KCNC4: variants seen among roughly 807,000 people sequenced by gnomAD.
The protein encoded by KCNC4 is potassium voltage-gated channel subfamily C member 4.
In KCNC4, 23 loss-of-function variants were observed where a neutral mutation model predicts 42.8. That is an observed-to-expected ratio of 0.54 (90% confidence interval 0.39 to 0.76). KCNC4 has a LOEUF of 0.76. Among genes scored for constraint, KCNC4 ranks in the 30% least tolerant of loss-of-function variants. KCNC4 has a pLI of 0.00. For synonymous variants in KCNC4, 422 were observed against 393.5 expected (o/e 1.07, Z -0.86); for missense variants, 751 against 898.2 (o/e 0.84, Z 2.10).
At chr1:110,269,275 A>T (rs2101084071) in intron 1 of KCNC4, among the ~76,000 whole-genome samples, 1 of 152,178 alleles carries the variant, frequency 6.6e-6, no homozygotes, top group East Asian at 1.9e-4. Context: ...CAATCAAGAT[A>T]CAGAACAATT....
chr1:110,213,170 T>TA (rs760587471), intron 1 of KCNC4, among the ~76,000 whole-genome samples: 1,233 of 50,822 alleles, frequency 0.024, 75 homozygotes, highest in South Asian at 0.038. Flanking sequence ...CTTCGACAGC[T>TA]AAAAAAAAAA....
At chr1:110,278,019 T>C (rs868048486) in intron 1 of KCNC4, among the ~76,000 whole-genome samples, 1 of 152,132 alleles carries the variant, frequency 6.6e-6, no homozygotes, top group Non-Finnish European at 1.5e-5. Flanking sequence ...TAGTGGCATA[T>C]GCCTATAGTC....
downstream of KCNC4, among the ~76,000 whole-genome samples, chr1:110,249,731 T>A (rs200169603): frequency 6.6e-6 from 1 of 152,014 alleles, no homozygotes; most frequent in South Asian, 2.1e-4. Flanking sequence ...AGCATTGCTT[T>A]AAAAAATTGT....
chr1:110,229,868 A>G (rs1292997536), intron 3 of KCNC4, among the ~76,000 whole-genome samples: 1 of 152,120 alleles, frequency 6.6e-6, no homozygotes, highest in Admixed American at 6.5e-5. Flanking sequence ...TAGACCTGAC[A>G]GCAGAGCCGT....
At chr1:110,275,144 A>T (rs143603994) in intron 1 of KCNC4, among the ~76,000 whole-genome samples, 8 of 152,308 alleles carry the variant, frequency 5.3e-5, no homozygotes, top group African/African-American at 1.9e-4. Context: ...TTTACAAGGA[A>T]CTCAAACAAC....
At chr1:110,212,419 C>A (rs1161949722) in intron 1 of KCNC4, among the ~76,000 whole-genome samples, 3 of 152,218 alleles carry the variant, frequency 2.0e-5, no homozygotes, top group Non-Finnish European at 2.9e-5. Flanking sequence ...CCAGTCCCAG[C>A]TGCCTGCTTT....
intron 1 of KCNC4, among the ~76,000 whole-genome samples, chr1:110,256,346 G>A (rs1659329339): frequency 1.3e-5 from 2 of 152,190 alleles, no homozygotes; most frequent in African/African-American, 2.4e-5. Context: ...AGAGGGATAT[G>A]AGCCCAAAGA....
At position 110,233,329 on chromosome 1, in the gene KCNC4, C is replaced by T. The variant is rs540160661; in HGVS notation, c.*357C>T. On this transcript the variant is annotated 3_prime_UTR_variant, in exon 4 of 4. Transcript: ENST00000438661. Reference sequence around the variant, plus strand: ...TCCCCTTCACTGATTTCTGTTGTTTCTGCTGACTGTGTGGGTGGAATGTCC... The same window carrying T: ...TCCCCTTCACTGATTTCTGTTGTTTTTGCTGACTGTGTGGGTGGAATGTCC... 1.7e-5 allele frequency: 6 copies of T among 354,480 alleles called. No individual in the cohort carries two copies. In the East Asian group the frequency reaches 3.0e-4, roughly 18 times the overall value. 22.0% of individuals were successfully genotyped at this position (354,480 alleles called of 1,614,324 possible).
chr1:110,216,467 T>G (rs535465974), intron 1 of KCNC4, among the ~76,000 whole-genome samples: 1 of 152,344 alleles, frequency 6.6e-6, no homozygotes, highest in East Asian at 1.9e-4. Context: ...CTTGGGTTTG[T>G]TTTCTTCTCT....
intron 1 of KCNC4, among the ~76,000 whole-genome samples, chr1:110,263,471 C>T (rs959910668): frequency 2.6e-5 from 4 of 151,856 alleles, no homozygotes; most frequent in Admixed American, 6.6e-5. Flanking sequence ...ATAGAATGAC[C>T]GATATTCACT....
chr1:110,269,971 AT>A (rs1162954924), intron 1 of KCNC4, among the ~76,000 whole-genome samples: 2 of 152,190 alleles, frequency 1.3e-5, no homozygotes, highest in Non-Finnish European at 2.9e-5. Context: ...AGGAAATGGG[AT>A]TTGTTTATTT....
Position 110,233,472 on chromosome 1 carries a change from C to CGAGAT in KCNC4, c.*500_*501insGAGAT. 1.7e-5 allele frequency: 3 copies of CGAGAT among 173,910 alleles called. No individual in the cohort carries two copies. Among genetic ancestry groups the CGAGAT allele is most frequent in the South Asian group, 2.6e-4 (2 of 7,566 alleles). 10.8% of individuals were successfully genotyped at this position (173,910 alleles called of 1,614,324 possible). A position where few individuals can be genotyped will look rare whatever the true frequency, so the allele number is the denominator to read the frequency against. On this transcript the variant is annotated 3_prime_UTR_variant, in exon 4 of 4. Transcript: ENST00000438661. Reference sequence around the variant, plus strand: ...AAGTCTATTGAAGGCCAGACTGCCCCCTAGGGTCACTGCTTCACTAGCCGC... The same window carrying CGAGAT: ...AAGTCTATTGAAGGCCAGACTGCCCCGAGATCTAGGGTCACTGCTTCACTAGCCGC...
At chr1:110,276,460 G>A (rs942776369) in intron 1 of KCNC4, among the ~76,000 whole-genome samples, 1 of 152,126 alleles carries the variant, frequency 6.6e-6, no homozygotes, top group Non-Finnish European at 1.5e-5. Context: ...TTTTCAGAAG[G>A]AGAGGGAGCC....
chr1:110,231,459 G>A (rs2101039739), intron 3 of KCNC4, among the ~76,000 whole-genome samples: 1 of 152,298 alleles, frequency 6.6e-6, no homozygotes, highest in African/African-American at 2.4e-5. Context: ...CATTATCTCA[G>A]TATGGGCTGC....
At position 110,275,321 on chromosome 1, in the gene KCNC4, A is replaced by G. The variant is rs555454493; in HGVS notation, n.31-7213A>G. Among the ~76,000 whole-genome samples the G allele has an allele frequency of 3.9e-5, 6 of 152,360 alleles. No individual in the cohort carries two copies. In the South Asian group the frequency reaches 1.2e-3, roughly 32 times the overall value. ...CAAAACCACAATGAAGTATCATCTTATACTAATCAGAATAGTTATTATTAA... is the reference window on the plus strand; with the variant it reads ...CAAAACCACAATGAAGTATCATCTTGTACTAATCAGAATAGTTATTATTAA... On this transcript the variant is annotated intron_variant and non_coding_transcript_variant, in intron 1 of 2. Coordinates refer to the KCNC4 transcript ENST00000412512.
intron 3 of KCNC4, chr1:110,232,652 G>T: frequency 6.9e-7 from 1 of 1,450,452 alleles, no homozygotes. Context: ...TTGGCAGAGG[G>T]GTGAAGGGTT....
chr1:110,213,032 G>A (rs551524439), intron 1 of KCNC4, among the ~76,000 whole-genome samples: 3 of 152,130 alleles, frequency 2.0e-5, no homozygotes, highest in Non-Finnish European at 4.4e-5. Flanking sequence ...CTTGAAATGG[G>A]TGTATGAGGG....
chr1:110,229,813 A>G (rs531008621), intron 3 of KCNC4, among the ~76,000 whole-genome samples: 5 of 152,272 alleles, frequency 3.3e-5, no homozygotes, highest in African/African-American at 1.2e-4. Context: ...CCTGAGGAAC[A>G]AGGTTGCCTC....
chr1:110,230,698 C>A (rs1658651112), intron 3 of KCNC4, among the ~76,000 whole-genome samples: 1 of 152,208 alleles, frequency 6.6e-6, no homozygotes, highest in South Asian at 2.1e-4. Context: ...AGCTGGCTCC[C>A]ACACATCCCT....
Sources: allele counts gnomAD v4.1 joint callset (sites outside exome capture counted in the v4.1 genomes callset), GRCh38; gene constraint gnomAD v4.1.1; transcripts MANE v1.5; gene names NCBI Gene and HGNC (gene_info 2026-07-23, HGNC 2026-07-21).